Variants in TSNARE1 observed in about 807,000 individuals in gnomAD.
The protein encoded by TSNARE1 is t-SNARE domain-containing protein 1.
A neutral mutation model predicts 62.0 loss-of-function variants in TSNARE1; 49 were observed. That is an observed-to-expected ratio of 0.79 (90% CI 0.63 to 1.00). The LOEUF (loss-of-function observed/expected upper bound fraction) is 1.00, where lower values mean the gene tolerates loss of function less well. Among genes scored for constraint, TSNARE1 ranks in the 50% least tolerant of loss-of-function variants. The pLI, the probability that TSNARE1 is intolerant of heterozygous loss-of-function variation, is 0.00. For missense variants in TSNARE1, 755 were observed against 700.1 expected, an observed-to-expected ratio of 1.08 and a Z score of -0.88; for synonymous variants, 328 against 294.4, an observed-to-expected ratio of 1.11 and a Z score of -1.17.
intron 6 of TSNARE1, among the ~76,000 whole-genome samples, chr8:142,324,331 A>G (rs1013317200): frequency 3.3e-5 from 5 of 152,202 alleles, no homozygotes; most frequent in South Asian, 2.1e-4. Flanking sequence ...ACCTGACCCA[A>G]GCATCCCTCT....
At chr8:142,227,482 C>A (rs909354493) in intron 13 of TSNARE1, among the ~76,000 whole-genome samples, 1 of 148,268 alleles carries the variant, frequency 6.7e-6, no homozygotes, top group African/African-American at 2.5e-5. Context: ...GGCAGCCAGG[C>A]CCCCATTCCT....
intron 9 of TSNARE1, among the ~76,000 whole-genome samples, chr8:142,308,432 G>A (rs927348184): frequency 1.3e-5 from 2 of 152,112 alleles, no homozygotes; most frequent in Non-Finnish European, 2.9e-5. Flanking sequence ...TCAAACATCC[G>A]AGTGATCCGT....
chr8:142,317,198 G>C (rs1454093071), intron 7 of TSNARE1, among the ~76,000 whole-genome samples: 1 of 150,430 alleles, frequency 6.6e-6, no homozygotes, highest in Non-Finnish European at 1.5e-5. Flanking sequence ...GGTATGGCCA[G>C]CGGCTCACAC....
intron 9 of TSNARE1, among the ~76,000 whole-genome samples, chr8:142,301,330 C>A (rs1354053432): frequency 9.3e-6 from 1 of 107,744 alleles, no homozygotes; most frequent in Non-Finnish European, 1.9e-5. Context: ...CTTCCCCTCC[C>A]GTCAGGAGCC....
At chr8:142,382,102 A>C (rs1272881476) in intron 1 of TSNARE1, among the ~76,000 whole-genome samples, 1 of 152,194 alleles carries the variant, frequency 6.6e-6, no homozygotes, top group Non-Finnish European at 1.5e-5. Flanking sequence ...CTCCGTGTGG[A>C]ATGGGGCCCC....
Position 142,291,932 on chromosome 8 carries a change from C to T in TSNARE1, c.1291-7447G>A, listed in dbSNP as rs999430668. 6.6e-6 allele frequency among the ~76,000 whole-genome samples: 1 copy of T among 151,964 alleles called. No homozygotes were observed. The highest frequency in any genetic ancestry group is 2.4e-5 in the African/African-American group (1 of 41,364). On this transcript the variant is annotated intron_variant, in intron 10 of 13. Transcript: ENST00000524325. This position sits in a 1 kb window ranked among gnomAD's most constrained non-coding sequence, Gnocchi z 4.8. ...CCATTGGGAGTACGGGGTCAGCTGC[C>T]TCTCCCGTGGACGGTCACAGCAACG... is the stretch of plus-strand genomic sequence containing the variant.
chr8:142,300,775 T>A (rs1825603658), intron 9 of TSNARE1, 131 bp from the exon 10 acceptor site: 1 of 1,212,340 alleles, frequency 8.2e-7, no homozygotes, highest in Non-Finnish European at 1.1e-6. Flanking sequence ...ACGATCTGGG[T>A]CTGAGGCGGG....
intron 10 of TSNARE1, among the ~76,000 whole-genome samples, chr8:142,285,255 CGTAGGTGGATGGATGGATGG>C (rs772778183): frequency 0.05 from 6,057 of 120,294 alleles, 433 homozygotes; most frequent in African/African-American, 0.16. Context: ...TGGATGGATG[CGTAGGTGGATGGATGGATGG>C]GTAGGTGGAT....
chr8:142,245,712 C>T (rs551126294), intron 12 of TSNARE1, among the ~76,000 whole-genome samples: 1 of 152,188 alleles, frequency 6.6e-6, no homozygotes, highest in Non-Finnish European at 1.5e-5. Context: ...AATGGAATAA[C>T]AGACACGCAA....
chr8:142,327,624 T>G (rs1027610135), intron 6 of TSNARE1, among the ~76,000 whole-genome samples: 1 of 152,214 alleles, frequency 6.6e-6, no homozygotes, highest in Non-Finnish European at 1.5e-5. Context: ...CCACAGGGAC[T>G]TGCCTTCAAT....
chr8:142,361,371 C>T (rs966655169), intron 1 of TSNARE1, among the ~76,000 whole-genome samples: 4 of 152,240 alleles, frequency 2.6e-5, no homozygotes, highest in Non-Finnish European at 4.4e-5. Flanking sequence ...ACTTGGGCTG[C>T]AGGACATGAG....
In TSNARE1 at chr8:142,319,138, G is replaced by A. The variant is rs890853589; in HGVS notation, c.894-504C>T. On this transcript the variant is annotated intron_variant, in intron 6 of 13. Transcript: ENST00000524325. This position sits in a 1 kb window ranked among gnomAD's most constrained non-coding sequence, Gnocchi z 4.9. ...AGCCGGGCCCCACCAATCGGCCACT[G>A]CGAGGACCACCTTGCTCCGCCGCAA... Among the ~76,000 whole-genome samples, 1 of 150,704 alleles carries A rather than the reference G, an allele frequency of 6.6e-6. No homozygotes were observed. Among genetic ancestry groups the A allele is most frequent in the Non-Finnish European group, 1.5e-5 (1 of 67,554 alleles).
intron 13 of TSNARE1, among the ~76,000 whole-genome samples, chr8:142,223,695 G>A (rs552092170): frequency 6.6e-6 from 1 of 151,732 alleles, no homozygotes; most frequent in African/African-American, 2.4e-5. Context: ...ATCCTTTCCT[G>A]CAGAGAGATC....
chr8:142,313,158 C>G (rs1827884589), intron 9 of TSNARE1, among the ~76,000 whole-genome samples: 1 of 151,788 alleles, frequency 6.6e-6, no homozygotes, highest in Non-Finnish European at 1.5e-5. Context: ...GCATGTCTAT[C>G]TGTGTCTCTG....
At chr8:142,269,127 G>C (rs1260991255) in intron 12 of TSNARE1, among the ~76,000 whole-genome samples, 1 of 152,238 alleles carries the variant, frequency 6.6e-6, no homozygotes, top group East Asian at 1.9e-4. Flanking sequence ...TCAGCCCAGA[G>C]GATACTCCCA....
intron 1 of TSNARE1, among the ~76,000 whole-genome samples, chr8:142,382,689 G>T (rs1326661944): frequency 6.6e-6 from 1 of 152,216 alleles, no homozygotes; most frequent in Non-Finnish European, 1.5e-5. Context: ...CATCCACTCA[G>T]GCACATTTCA....
In TSNARE1 at chr8:142,344,081, G is replaced by C; in HGVS notation, c.630C>G (p.Ser210Arg). The C allele has an allele frequency of 6.2e-7, 1 of 1,607,988 alleles. No homozygotes were observed. The highest frequency in any genetic ancestry group is 2.2e-5 in the East Asian group (1 of 44,728). ...GDLRKAAHGP[S>R]PGSGKPQALA... Reference sequence around the variant, plus strand: ...GGGCCTGGGGCTTGCCGGAACCAGGGCTGGGGCCATGGGCCGCCTTCCGGA... The same window carrying C: ...GGGCCTGGGGCTTGCCGGAACCAGGCCTGGGGCCATGGGCCGCCTTCCGGA... Residue 210 changes from serine to arginine, a missense_variant, in exon 4 of 14, where the codon AGC becomes AGG. Transcript: ENST00000524325.
At chr8:142,400,039 CAA>C (rs879581383) in intron 1 of TSNARE1, among the ~76,000 whole-genome samples, 16 of 138,828 alleles carry the variant, frequency 1.2e-4, no homozygotes, top group South Asian at 2.3e-4. Flanking sequence ...ACGCCTATCT[CAA>C]AAAAAAAAAA....
chr8:142,354,716 G>T lies in TSNARE1; in HGVS notation c.9C>A (p.Tyr3Ter). 1 of 1,613,260 alleles carries T rather than the reference G, an allele frequency of 6.2e-7. No homozygotes were observed. Among genetic ancestry groups the T allele is most frequent in the South Asian group, 1.1e-5 (1 of 91,048 alleles). Residue 3 changes from tyrosine to a stop codon, truncating the protein, a stop_gained, in exon 2 of 14, where the codon TAC becomes TAA. Coordinates refer to ENST00000524325, the MANE Select transcript of TSNARE1 (RefSeq NM_145003.5). LOFTEE classifies it high-confidence loss of function. MS[Y>*]GSIARGGGLG... ...GGCCACCTCCACGGGCGATGGATCC[G>T]TATGACATCTTCTTACAGATGGCAG...
Sources: gnomAD v4.1 joint callset for allele counts (sites outside exome capture counted in the v4.1 genomes callset) on GRCh38, gnomAD v4.1.1 for gene constraint, Gnocchi (gnomAD v3.1) non-coding constraint, MANE v1.5 for transcripts, NCBI Gene and HGNC (gene_info 2026-07-23, HGNC 2026-07-21) for gene names.